The following LOC400499 variants were observed in gnomAD, a reference collection of about 807,000 sequenced individuals.
chr16:11,417,569 G>C, the LOC400499 span: 1 of 398,464 alleles, frequency 2.5e-6, no homozygotes, highest in Non-Finnish European at 4.4e-6. Context: ...TGAGGCTGCT[G>C]GTCTGGCCCA....
At chr16:11,411,112 T>C in the LOC400499 span, 3 of 397,102 alleles carry the variant, frequency 7.6e-6, no homozygotes, top group Non-Finnish European at 1.3e-5. Context: ...TTCCGAGGGT[T>C]GCCCACCGGA....
At chr16:11,393,587 T>C in the LOC400499 span, 2 of 1,231,840 alleles carry the variant, frequency 1.6e-6, no homozygotes, top group Non-Finnish European at 2.0e-6. Context: ...GAGGCCTGAG[T>C]GGAGCCTGGC....
At chr16:11,450,277 C>T in the LOC400499 span, among the ~76,000 whole-genome samples, 1 of 152,252 alleles carries the variant, frequency 6.6e-6, no homozygotes, top group African/African-American at 2.4e-5. Context: ...AACCGACTTA[C>T]GTCCTAGAAA....
chr16:11,467,861 T>C, the LOC400499 span, among the ~76,000 whole-genome samples: 1 of 152,128 alleles, frequency 6.6e-6, no homozygotes, highest in African/African-American at 2.4e-5. Context: ...TATTCGGAAA[T>C]AGGGTCTTCA....
chr16:11,451,124 A>G, the LOC400499 span, among the ~76,000 whole-genome samples: 1 of 152,286 alleles, frequency 6.6e-6, no homozygotes, highest in African/African-American at 2.4e-5. Flanking sequence ...CATGTCTACA[A>G]TTTACTTTCA....
chr16:11,458,436 C>T, the LOC400499 span, among the ~76,000 whole-genome samples: 1 of 148,640 alleles, frequency 6.7e-6, no homozygotes, highest in Non-Finnish European at 1.5e-5. Context: ...ACCTGGGAGG[C>T]GGAGGTTGCA....
chr16:11,463,796 T>C, the LOC400499 span, among the ~76,000 whole-genome samples: 2 of 152,096 alleles, frequency 1.3e-5, no homozygotes, highest in African/African-American at 2.4e-5. Context: ...TACATATGGA[T>C]GTTTGTGTGT....
At chr16:11,509,334 G>T in the LOC400499 span, among the ~76,000 whole-genome samples, 2,663 of 150,730 alleles carry the variant, frequency 0.018, 93 homozygotes, top group East Asian at 0.18. Flanking sequence ...TAGCCAGGAT[G>T]GTCTCAATCT....
At chr16:11,479,480 G>A in the LOC400499 span, among the ~76,000 whole-genome samples, 6 of 150,818 alleles carry the variant, frequency 4.0e-5, no homozygotes, top group South Asian at 2.1e-4. Flanking sequence ...AAAAAAAGCC[G>A]GGTATGGTGG....
the LOC400499 span, chr16:11,417,894 G>A: frequency 1.5e-5 from 6 of 398,272 alleles, no homozygotes; most frequent in Admixed American, 8.8e-5. Context: ...AGCCAGCCTG[G>A]GTCAAGCTGG....
the LOC400499 span, chr16:11,461,240 G>A: frequency 6.5e-6 from 8 of 1,235,656 alleles, no homozygotes; most frequent in Non-Finnish European, 8.7e-6. Context: ...GCTCCTTGAA[G>A]AGCCAACATG....
the LOC400499 span, among the ~76,000 whole-genome samples, chr16:11,386,092 G>T: frequency 6.6e-6 from 1 of 152,230 alleles, no homozygotes; most frequent in African/African-American, 2.4e-5. Flanking sequence ...GCTGCTGGCG[G>T]GGATGGGGGG....
At chr16:11,456,475 G>GGA in the LOC400499 span, among the ~76,000 whole-genome samples, 1 of 152,238 alleles carries the variant, frequency 6.6e-6, no homozygotes, top group Non-Finnish European at 1.5e-5. Context: ...CGAGCAAGGG[G>GGA]GAGAGTGGGG....
chr16:11,410,386 G>A, the LOC400499 span, among the ~76,000 whole-genome samples: 7 of 152,210 alleles, frequency 4.6e-5, no homozygotes, highest in Middle Eastern at 3.4e-3. Flanking sequence ...CCGGGGAGGC[G>A]GAGGTTGCAG....
the LOC400499 span, chr16:11,473,132 T>TAAATAAAC: frequency 2.7e-5 from 4 of 150,792 alleles, no homozygotes; most frequent in East Asian, 7.8e-4. Context: ...AATAAATAAA[T>TAAATAAAC]AAATAAATAA....
the LOC400499 span, chr16:11,431,087 G>A: frequency 5.0e-5 from 20 of 399,014 alleles, no homozygotes; most frequent in Non-Finnish European, 6.6e-5. Flanking sequence ...GTCAGGAGGC[G>A]GGGCATCGCT....
chr16:11,424,704 C>T, the LOC400499 span, among the ~76,000 whole-genome samples: 142 of 152,284 alleles, frequency 9.3e-4, 1 homozygote, highest in African/African-American at 3.3e-3. Flanking sequence ...TTCGCTGCTG[C>T]ACCTGGGGGC....
the LOC400499 span, chr16:11,384,023 G>GC: frequency 8.1e-7 from 1 of 1,231,802 alleles, no homozygotes; most frequent in East Asian, 3.2e-5. Flanking sequence ...CAGGATGGAT[G>GC]CAAGACTCAG....
the LOC400499 span, among the ~76,000 whole-genome samples, chr16:11,396,855 G>C: frequency 1.3e-5 from 2 of 152,142 alleles, no homozygotes; most frequent in Non-Finnish European, 2.9e-5. Flanking sequence ...GCTGGGCTCT[G>C]GCATGGCCCG....
Sources: gnomAD v4.1 joint callset for allele counts (sites outside exome capture counted in the v4.1 genomes callset) on GRCh38, gnomAD v4.1.1 for gene constraint, MANE v1.5 for transcripts.